SKA3: variants seen among roughly 807,000 people sequenced by gnomAD.
SKA3 encodes spindle and kinetochore-associated protein 3.
Under a neutral mutation model 44.2 loss-of-function variants are expected in SKA3, and 39 were observed. That is an observed-to-expected ratio of 0.88 (90% CI 0.68 to 1.15). The LOEUF (loss-of-function observed/expected upper bound fraction) is 1.15. SKA3 is among the 50% of genes most tolerant of loss of function. The pLI, the probability that SKA3 is intolerant of heterozygous loss-of-function variation, is 0.00. For missense variants in SKA3, 511 were observed against 485.8 expected (o/e 1.05, Z -0.49); for synonymous variants, 192 against 172.0 (o/e 1.12, Z -0.91).
At chr13:21,164,934 T>A (rs1253863806) in intron 4 of SKA3, among the ~76,000 whole-genome samples, 1 of 152,152 alleles carries the variant, frequency 6.6e-6, no homozygotes. Flanking sequence ...AGATGTCTAA[T>A]CATGTCAATT....
chr13:21,168,452 G>T, intron 3 of SKA3, 53 bp from the exon 4 acceptor site: 1 of 1,308,870 alleles, frequency 7.6e-7, no homozygotes, highest in Non-Finnish European at 9.9e-7. Context: ...AAAATTTCAC[G>T]TTTACAAAAA....
At chr13:21,167,878 T>C (rs1595303040) in intron 4 of SKA3, 110 bp downstream of exon 4, 1 of 835,578 alleles carries the variant, frequency 1.2e-6, no homozygotes, top group Non-Finnish European at 1.6e-6. Flanking sequence ...ATCTGAAAAC[T>C]TTTTAAAGCA....
chr13:21,172,239 G>A, intron 3 of SKA3, 100 bp downstream of exon 3: 1 of 767,208 alleles, frequency 1.3e-6, no homozygotes, highest in Non-Finnish European at 2.1e-6. Context: ...TAACAACAGA[G>A]CTAGAACTAA....
intron 4 of SKA3, among the ~76,000 whole-genome samples, chr13:21,167,430 T>G (rs1463954772): frequency 6.6e-6 from 1 of 152,136 alleles, no homozygotes; most frequent in Non-Finnish European, 1.5e-5. Context: ...TATTGGTGAT[T>G]TGAGAAGATC....
chr13:21,165,295 T>C (rs1007023011), intron 4 of SKA3, among the ~76,000 whole-genome samples: 2 of 151,116 alleles, frequency 1.3e-5, no homozygotes, highest in African/African-American at 4.9e-5. Flanking sequence ...GGTCCACACC[T>C]GTAGTCCCAC....
chr13:21,165,774 A>C (rs1870678724), intron 4 of SKA3, among the ~76,000 whole-genome samples: 1 of 151,880 alleles, frequency 6.6e-6, no homozygotes, highest in Admixed American at 6.6e-5. Context: ...ATCTCTACTA[A>C]AAATAGAAAA....
rs143540209 is a variant in SKA3, at chr13:21,171,432, C to G, written c.331+907G>C. ...TCTAATAAAAATACAAAAAAATTAG[C>G]TGGGCGTGGTGGCGGGCCCCTGTAG... On this transcript the variant is annotated intron_variant, in intron 3 of 8. Transcript: ENST00000314759. Among the ~76,000 whole-genome samples, 855 of 152,096 alleles carry G rather than the reference C, an allele frequency of 5.6e-3. 3 individuals carry two copies. Among genetic ancestry groups the G allele is most frequent in the Middle Eastern group, 0.017 (5 of 294 alleles).
At chr13:21,167,905 TTTA>T (rs1301080789) in intron 4 of SKA3, 80 bp downstream of exon 4, 1 of 1,214,724 alleles carries the variant, frequency 8.2e-7, no homozygotes, top group Non-Finnish European at 1.1e-6. Context: ...TCTGAAACAT[TTTA>T]TTTCTTCTGG....
Position 21,155,663 on chromosome 13 carries a change from G to T in SKA3, c.1238+30C>A, listed in dbSNP as rs1176740364. ...TAAATGTCCTCCTCAAATAACACAT[G>T]AACTTTCTTTACAAAGGTAACATAC... On this transcript the variant is annotated intron_variant, in intron 8 of 8. Transcript: ENST00000314759. 4 of 956,246 alleles carry T rather than the reference G, an allele frequency of 4.2e-6. No individual in the cohort carries two copies. The African/African-American group carries it at 4.8e-5, about 11-fold the overall frequency. 59.2% of individuals were successfully genotyped at this position (956,246 alleles called of 1,614,324 possible).
At chr13:21,155,285 G>T in intron 8 of SKA3, 135 bp from the exon 9 acceptor site, 1 of 652,820 alleles carries the variant, frequency 1.5e-6, no homozygotes, top group Non-Finnish European at 2.5e-6. Context: ...TCATTAAACT[G>T]GATAATTCGG....
At chr13:21,175,658 CACATT>C (rs1207492729) in intron 1 of SKA3, among the ~76,000 whole-genome samples, 3 of 152,278 alleles carry the variant, frequency 2.0e-5, no homozygotes, top group African/African-American at 4.8e-5. Context: ...TATTTTAAAG[CACATT>C]ACAATTATGA....
At position 21,172,488 on chromosome 13, in the gene SKA3, A is replaced by G; in HGVS notation, c.182T>C (p.Leu61Pro). ...ATTTTCCAATCTTGCTTTATCAAGA[A>G]GAATATTAACATCATCCTTTTATGA... is the stretch of plus-strand genomic sequence containing the variant. ...VQTLKDDVNI[L>P]LDKARLENQE... The change falls in exon 3 of 9, where the codon CTT (leucine) becomes CCT (proline). Residue 61 changes from leucine to proline, a missense_variant. Coordinates refer to ENST00000314759, the MANE Select transcript of SKA3 (RefSeq NM_145061.6). The G allele has an allele frequency of 1.3e-6, 2 of 1,587,702 alleles. No homozygotes were observed. The highest frequency in any genetic ancestry group is 1.4e-5 in the African/African-American group (1 of 73,530).
At chr13:21,167,862 A>G in intron 4 of SKA3, 126 bp downstream of exon 4, 1 of 686,846 alleles carries the variant, frequency 1.5e-6, no homozygotes, top group Non-Finnish European at 2.1e-6. Context: ...AAATAAATAA[A>G]TAAATATCTG....
At chr13:21,171,264 G>A (rs1235437050) in intron 3 of SKA3, among the ~76,000 whole-genome samples, 1 of 152,090 alleles carries the variant, frequency 6.6e-6, no homozygotes. Flanking sequence ...ATACATACTT[G>A]TTCAATTTAA....
At chr13:21,167,170 T>C (rs530462774) in intron 4 of SKA3, among the ~76,000 whole-genome samples, 4 of 152,314 alleles carry the variant, frequency 2.6e-5, no homozygotes. Flanking sequence ...ACACATCACC[T>C]ATCCCCCCAT....
intron 6 of SKA3, 79 bp from the exon 7 acceptor site, chr13:21,158,204 T>G: frequency 1.0e-6 from 1 of 994,562 alleles, no homozygotes; most frequent in South Asian, 1.6e-5. Context: ...CATTTGTTAC[T>G]TCTATTGGGG....
chr13:21,167,572 C>T (rs539078153), intron 4 of SKA3, among the ~76,000 whole-genome samples: 73 of 152,230 alleles, frequency 4.8e-4, no homozygotes, highest in Non-Finnish European at 7.4e-4. Context: ...CAGGACCATC[C>T]TGGCTAACAT....
At chr13:21,157,885 T>G in intron 7 of SKA3, 37 bp downstream of exon 7, 5 of 898,102 alleles carry the variant, frequency 5.6e-6, no homozygotes, top group Non-Finnish European at 8.2e-6. Flanking sequence ...GAAAAGAATA[T>G]CAGCAAAAAA....
Position 21,154,734 on chromosome 13 carries a change from G to T in SKA3, c.*416C>A. On this transcript the variant is annotated 3_prime_UTR_variant, in exon 9 of 9. Coordinates refer to ENST00000314759, the MANE Select transcript of SKA3 (RefSeq NM_145061.6). ...ACTGAGCAAGTAAAAGGTGTGGGAC[G>T]GTCCTGAAAGGAGATGATGGGAAGG... 3.8e-6 allele frequency: 1 copy of T among 266,472 alleles called. No homozygotes were observed. Among genetic ancestry groups the T allele is most frequent in the Middle Eastern group, 1.2e-3 (1 of 804 alleles). The allele number at this position is 266,472 out of a possible 1,614,324, so 16.5% of individuals were successfully genotyped here.
Sources: allele counts gnomAD v4.1 joint callset (sites outside exome capture counted in the v4.1 genomes callset), GRCh38; gene constraint gnomAD v4.1.1; transcripts MANE v1.5; gene names NCBI Gene and HGNC (gene_info 2026-07-23, HGNC 2026-07-21).